GABRG3: variants seen among roughly 807,000 people sequenced by gnomAD.
The protein encoded by GABRG3 is gamma-aminobutyric acid type A receptor subunit gamma3.
In GABRG3, 25 loss-of-function variants were observed where a neutral mutation model predicts 48.8. The ratio of observed to expected loss-of-function variants is 0.51; its 90% CI spans 0.37 to 0.72. The LOEUF (loss-of-function observed/expected upper bound fraction) is 0.72. Among genes scored for constraint, GABRG3 ranks in the 30% least tolerant of loss-of-function variants. The pLI, the probability that GABRG3 is intolerant of heterozygous loss-of-function variation, is 0.00. For missense variants in GABRG3, 394 were observed against 577.9 expected (o/e 0.68, Z 3.26); for synonymous variants, 227 against 217.6 (o/e 1.04, Z -0.38).
At chr15:27,434,269 G>A (rs1235433659) in intron 5 of GABRG3, among the ~76,000 whole-genome samples, 1 of 152,158 alleles carries the variant, frequency 6.6e-6, no homozygotes, top group Non-Finnish European at 1.5e-5. Context: ...TATGAAAATG[G>A]TGGGACAATG....
chr15:27,283,757 A>G (rs978381170), intron 3 of GABRG3, among the ~76,000 whole-genome samples: 1 of 152,302 alleles, frequency 6.6e-6, no homozygotes, highest in East Asian at 1.9e-4. Flanking sequence ...CATAAAGGAA[A>G]TTCAGGAGAC....
At position 26,971,518 on chromosome 15, in the gene GABRG3, C is replaced by G; in HGVS notation, c.-18C>G. ...CCGGCCGAGGCCCCGGACCCTGCGC[C>G]CCGAGCTCCACGGCACCATGGCCCC... On this transcript the variant is annotated 5_prime_UTR_variant, in exon 1 of 10. Coordinates refer to ENST00000615808, the MANE Select transcript of GABRG3 (RefSeq NM_033223.5). 6.6e-7 allele frequency: 1 copy of G among 1,512,750 alleles called. No homozygotes were observed. 93.7% of individuals were successfully genotyped at this position (1,512,750 alleles called of 1,614,324 possible). A position where few individuals can be genotyped will look rare whatever the true frequency, so the allele number is the denominator to read the frequency against.
chr15:27,387,422 A>T (rs1215315693), intron 5 of GABRG3, among the ~76,000 whole-genome samples: 1 of 152,098 alleles, frequency 6.6e-6, no homozygotes, highest in Non-Finnish European at 1.5e-5. Context: ...AGTTAATTTT[A>T]TGTTCGAAGC....
chr15:27,027,362 GT>G (rs952501416), intron 3 of GABRG3, among the ~76,000 whole-genome samples: 3 of 152,212 alleles, frequency 2.0e-5, no homozygotes, highest in African/African-American at 7.2e-5. Flanking sequence ...CCAGCAAGGG[GT>G]TAACAGGACT....
intron 3 of GABRG3, among the ~76,000 whole-genome samples, chr15:27,265,636 A>G (rs770981039): frequency 4.6e-5 from 7 of 152,198 alleles, no homozygotes; most frequent in Non-Finnish European, 8.8e-5. Flanking sequence ...GGTCCCAACT[A>G]GGAAACATGA....
Position 27,077,880 on chromosome 15 carries a change from A to T in GABRG3, c.270+51059A>T, listed in dbSNP as rs150036083. ...GCCACTGTGGAGGGCAGTTCTCAGC[A>T]TCATCACAGCCCAGCAAATATCAGG... On this transcript the variant is annotated intron_variant, in intron 3 of 9. Coordinates refer to ENST00000615808, the MANE Select transcript of GABRG3 (RefSeq NM_033223.5). 4.2e-3 allele frequency among the ~76,000 whole-genome samples: 634 copies of T among 152,336 alleles called. 12 individuals are homozygous for T. The highest frequency in any genetic ancestry group is 0.014 in the African/African-American group (594 of 41,576).
In GABRG3 at chr15:27,447,862, G is replaced by T. The variant is rs1217074289; in HGVS notation, c.575-32788G>T. ...ACCAGGGCCTGTCAGGGGTAAGGGGGCTGGGGGAGAGATAGCATTAGGAAA... is the reference window on the plus strand; with the variant it reads ...ACCAGGGCCTGTCAGGGGTAAGGGGTCTGGGGGAGAGATAGCATTAGGAAA... On this transcript the variant is annotated intron_variant, in intron 5 of 9. Coordinates refer to ENST00000615808, the MANE Select transcript of GABRG3 (RefSeq NM_033223.5). The surrounding 1 kb of genome is among the most constrained non-coding windows in gnomAD (Gnocchi z 4.0). 1.3e-5 allele frequency among the ~76,000 whole-genome samples: 2 copies of T among 152,142 alleles called. No individual in the cohort carries two copies. The highest frequency in any genetic ancestry group is 2.4e-5 in the African/African-American group (1 of 41,424).
At chr15:27,251,832 A>G (rs545352922) in intron 3 of GABRG3, among the ~76,000 whole-genome samples, 118 of 152,250 alleles carry the variant, frequency 7.8e-4, no homozygotes, top group African/African-American at 2.7e-3. Context: ...AGGGGGCTGG[A>G]GGCTTTCTCT....
chr15:27,347,212 T>A (rs944281921), intron 5 of GABRG3, among the ~76,000 whole-genome samples: 1 of 152,192 alleles, frequency 6.6e-6, no homozygotes, highest in African/African-American at 2.4e-5. Flanking sequence ...TCACATAGAG[T>A]CTGCATCTTG....
intron 3 of GABRG3, among the ~76,000 whole-genome samples, chr15:27,111,031 A>G (rs1303763820): frequency 2.0e-5 from 3 of 152,138 alleles, no homozygotes; most frequent in African/African-American, 7.2e-5. Flanking sequence ...TGCATGTGTT[A>G]TATTAATATA....
intron 3 of GABRG3, among the ~76,000 whole-genome samples, chr15:27,098,109 C>T (rs570194473): frequency 2.6e-5 from 4 of 152,046 alleles, no homozygotes; most frequent in African/African-American, 4.8e-5. Flanking sequence ...GCTCTGAGAA[C>T]ACAGGAAGAG....
rs949535983 is a variant in GABRG3, at chr15:26,977,234, A to G, written c.202+84A>G. On this transcript the variant is annotated intron_variant, in intron 2 of 9. Transcript: ENST00000615808. ...TACTTTTGAGTAATTGTGAATTCCA[A>G]GAGTATTGCAAAGATAGTGCAGAAA... is the stretch of plus-strand genomic sequence containing the variant. 10 of 1,390,506 alleles carry G rather than the reference A, an allele frequency of 7.2e-6. No homozygotes were observed. The African/African-American group carries it at 8.7e-5, about 12-fold the overall frequency. 86.1% of individuals were successfully genotyped at this position (1,390,506 alleles called of 1,614,324 possible).
At chr15:27,037,234 G>A (rs1896194821) in intron 3 of GABRG3, among the ~76,000 whole-genome samples, 1 of 152,240 alleles carries the variant, frequency 6.6e-6, no homozygotes, top group African/African-American at 2.4e-5. Context: ...GCCCCGGGCA[G>A]TGGTGCTGCA....
chr15:27,341,822 T>C (rs899736317), intron 5 of GABRG3, among the ~76,000 whole-genome samples: 3 of 152,164 alleles, frequency 2.0e-5, no homozygotes, highest in African/African-American at 7.2e-5. Flanking sequence ...TGCAGCATGC[T>C]CTGCCCTGGC....
At chr15:27,451,455 A>G (rs536394374) in intron 5 of GABRG3, among the ~76,000 whole-genome samples, 39 of 152,340 alleles carry the variant, frequency 2.6e-4, no homozygotes, top group Admixed American at 6.5e-4. Flanking sequence ...AGTCTCTTCA[A>G]TAAACGATGT....
intron 5 of GABRG3, among the ~76,000 whole-genome samples, chr15:27,391,942 T>G (rs1887145163): frequency 6.6e-6 from 1 of 152,202 alleles, no homozygotes; most frequent in African/African-American, 2.4e-5. Context: ...GCAGCTTGGA[T>G]GAGAATCATG....
chr15:27,280,699 T>C (rs1490783566), intron 3 of GABRG3, among the ~76,000 whole-genome samples: 1 of 152,174 alleles, frequency 6.6e-6, no homozygotes, highest in Non-Finnish European at 1.5e-5. Context: ...AAACAAACTG[T>C]ATGGTTTCAA....
chr15:27,482,879 C>T (rs1025151325), intron 6 of GABRG3, among the ~76,000 whole-genome samples: 2 of 152,286 alleles, frequency 1.3e-5, no homozygotes, highest in East Asian at 1.9e-4. Flanking sequence ...TGTCCATTAT[C>T]GCCTCCCACC....
At chr15:27,440,207 CAT>C (rs1888742233) in intron 5 of GABRG3, among the ~76,000 whole-genome samples, 1 of 152,156 alleles carries the variant, frequency 6.6e-6, no homozygotes, top group Non-Finnish European at 1.5e-5. Context: ...CGTCTTAACT[CAT>C]AGAATAACCA....
Sources: gnomAD v4.1 joint callset for allele counts (sites outside exome capture counted in the v4.1 genomes callset) on GRCh38, gnomAD v4.1.1 for gene constraint, Gnocchi (gnomAD v3.1) non-coding constraint, MANE v1.5 for transcripts, NCBI Gene and HGNC (gene_info 2026-07-23, HGNC 2026-07-21) for gene names.